BMP8A: variants seen among roughly 807,000 people sequenced by gnomAD.
The protein encoded by BMP8A is bone morphogenetic protein 8a.
A neutral mutation model predicts 36.8 loss-of-function variants in BMP8A; 14 were observed. The observed-to-expected ratio is 0.38, with a 90% CI of 0.25 to 0.60. The LOEUF (loss-of-function observed/expected upper bound fraction) is 0.60, where lower values mean the gene tolerates loss of function less well. Among genes scored for constraint, BMP8A ranks in the 20% least tolerant of loss-of-function variants. BMP8A has a pLI of 0.63. For missense variants in BMP8A, 267 were observed against 551.1 expected (o/e 0.48, Z 5.16); for synonymous variants, 120 against 237.7 (o/e 0.50, Z 4.55).
chr1:39,523,450 A>C (rs1479579193), intron 6 of BMP8A: 1 of 1,225,050 alleles, frequency 8.2e-7, no homozygotes, highest in Non-Finnish European at 1.1e-6. Flanking sequence ...AGATGTGTAC[A>C]CTGTGTGGGG....
chr1:39,503,508 CTTTTTTTTTTTTTTTT>C (rs35892449), intron 1 of BMP8A, among the ~76,000 whole-genome samples: 1 of 69,960 alleles, frequency 1.4e-5, no homozygotes, highest in African/African-American at 5.6e-5. Flanking sequence ...TACAGTCTTT[CTTTTTTTTTTTTTTTT>C]TTTTTTTTTT....
At chr1:39,522,129 G>C (rs1645431943) in intron 4 of BMP8A, among the ~76,000 whole-genome samples, 1 of 139,698 alleles carries the variant, frequency 7.2e-6, no homozygotes, top group African/African-American at 2.5e-5. Context: ...GGGTCCTGCT[G>C]GGCTGTTTAC....
chr1:39,502,955 A>G (rs912820791), intron 1 of BMP8A, among the ~76,000 whole-genome samples: 1 of 152,220 alleles, frequency 6.6e-6, no homozygotes, highest in Non-Finnish European at 1.5e-5. Context: ...CTGAGGCAGG[A>G]CAATAACTTG....
intron 6 of BMP8A, chr1:39,523,483 G>GC (rs1266470388): frequency 1.5e-6 from 2 of 1,299,428 alleles, no homozygotes; most frequent in African/African-American, 3.1e-5. Context: ...TAACACACGG[G>GC]CCCCCGAGTA....
chr1:39,516,828 G>A (rs1645398160), intron 3 of BMP8A, among the ~76,000 whole-genome samples: 2 of 152,012 alleles, frequency 1.3e-5, no homozygotes, highest in Non-Finnish European at 2.9e-5. Context: ...CTTGAACCAT[G>A]AAATGGAGAT....
intron 3 of BMP8A, among the ~76,000 whole-genome samples, chr1:39,514,763 C>G (rs1173253403): frequency 6.6e-6 from 1 of 152,144 alleles, no homozygotes; most frequent in African/African-American, 2.4e-5. Flanking sequence ...TGACTCGGGG[C>G]CCCCAGCCCA....
At chr1:39,522,951 C>T (rs1645443041) in intron 5 of BMP8A, 56 bp from the exon 6 acceptor site, 1 of 1,482,700 alleles carries the variant, frequency 6.7e-7, no homozygotes, top group Admixed American at 1.9e-5. Flanking sequence ...GGGTTTGGGC[C>T]CTGAGGCTCA....
chr1:39,492,468 G>A, intron 1 of BMP8A, 143 bp downstream of exon 1: 4 of 1,333,472 alleles, frequency 3.0e-6, no homozygotes, highest in Non-Finnish European at 3.8e-6. Flanking sequence ...GACCGCCGTG[G>A]TTAGGGAAGG....
chr1:39,517,811 G>A (rs760539819), intron 3 of BMP8A, among the ~76,000 whole-genome samples: 3 of 152,292 alleles, frequency 2.0e-5, no homozygotes, highest in Non-Finnish European at 4.4e-5. Context: ...GAGACTGAGA[G>A]GGGAGAGGCT....
chr1:39,528,185 A>C lies in BMP8A; in HGVS notation c.*2387A>C, dbSNP rs1434647858. 6.6e-6 allele frequency among the ~76,000 whole-genome samples: 1 copy of C among 152,182 alleles called. No homozygotes were observed. The highest frequency in any genetic ancestry group is 1.5e-5 in the Non-Finnish European group (1 of 68,040). On this transcript the variant is annotated 3_prime_UTR_variant, in exon 7 of 7. Coordinates refer to ENST00000331593, the MANE Select transcript of BMP8A (RefSeq NM_181809.4). ...AGGATCATGATGAGACTCCCTTTTT[A>C]TGCAGCAAAGCACAAAGTGTGACAG...
chr1:39,493,885 C>T (rs976625574), intron 1 of BMP8A, among the ~76,000 whole-genome samples: 8 of 152,246 alleles, frequency 5.3e-5, no homozygotes, highest in African/African-American at 9.6e-5. Context: ...CATCAGAATG[C>T]GTCACCACCC....
At chr1:39,500,120 A>C (rs961992845) in intron 1 of BMP8A, among the ~76,000 whole-genome samples, 6 of 152,182 alleles carry the variant, frequency 3.9e-5, no homozygotes, top group Non-Finnish European at 7.3e-5. Flanking sequence ...CAACCACACC[A>C]GCCTCCTTGA....
intron 3 of BMP8A, among the ~76,000 whole-genome samples, chr1:39,517,258 A>G (rs973831754): frequency 1.3e-4 from 19 of 151,886 alleles, no homozygotes; most frequent in African/African-American, 4.6e-4. Context: ...CAGCCTCCCA[A>G]AGTGCTGGGA....
chr1:39,522,784 G>A (rs1486984421), intron 5 of BMP8A, among the ~76,000 whole-genome samples: 1 of 152,074 alleles, frequency 6.6e-6, no homozygotes, highest in Non-Finnish European at 1.5e-5. Flanking sequence ...TGGGAGGTGT[G>A]GGCAGGGGAG....
At chr1:39,514,720 T>C (rs1645381834) in intron 3 of BMP8A, among the ~76,000 whole-genome samples, 1 of 152,134 alleles carries the variant, frequency 6.6e-6, no homozygotes, top group Non-Finnish European at 1.5e-5. Flanking sequence ...AGCTCTGTCC[T>C]GCGCCCGGGC....
rs1203703375 is a variant in BMP8A, at chr1:39,509,323, T to C, written c.335-1851T>C. 2.0e-5 allele frequency among the ~76,000 whole-genome samples: 3 copies of C among 152,306 alleles called. No homozygotes were observed. The East Asian group carries it at 5.8e-4, about 29-fold the overall frequency. On this transcript the variant is annotated intron_variant, in intron 1 of 6. Coordinates refer to ENST00000331593, the MANE Select transcript of BMP8A (RefSeq NM_181809.4). ...CATGTAACACAGGGGGATCTGCAGT[T>C]CCTGAACCCACTGAAATTGTCACCC...
At chr1:39,513,656 A>C (rs1344454866) in intron 3 of BMP8A, among the ~76,000 whole-genome samples, 1 of 151,636 alleles carries the variant, frequency 6.6e-6, no homozygotes, top group African/African-American at 2.4e-5. Flanking sequence ...TTTGGCTGGA[A>C]TATTACTGAC....
intron 1 of BMP8A, among the ~76,000 whole-genome samples, chr1:39,505,297 C>G (rs534773069): frequency 6.6e-6 from 1 of 152,304 alleles, no homozygotes; most frequent in African/African-American, 2.4e-5. Context: ...TTCCACAGTG[C>G]ATTGTGTCCC....
At chr1:39,498,340 A>T (rs1645223548) in intron 1 of BMP8A, among the ~76,000 whole-genome samples, 1 of 152,156 alleles carries the variant, frequency 6.6e-6, no homozygotes, top group South Asian at 2.1e-4. Context: ...CTTTCTGGAA[A>T]ATTCCCACAG....
Sources: gnomAD v4.1 joint callset for allele counts (sites outside exome capture counted in the v4.1 genomes callset) on GRCh38, gnomAD v4.1.1 for gene constraint, MANE v1.5 for transcripts, NCBI Gene and HGNC (gene_info 2026-07-23, HGNC 2026-07-21) for gene names.